Variants in PLA2G4A observed in about 807,000 individuals in gnomAD.
PLA2G4A encodes phospholipase A2 group IVA, also known as cytosolic phospholipase A2.
Under a neutral mutation model 81.9 loss-of-function variants are expected in PLA2G4A, and 40 were observed. The observed-to-expected ratio is 0.49, with a 90% CI of 0.38 to 0.64. The LOEUF is 0.64. PLA2G4A is among the 30% of genes least tolerant of loss of function. The pLI, the probability that PLA2G4A is intolerant of heterozygous loss-of-function variation, is 0.00. For missense variants in PLA2G4A, 715 were observed against 905.1 expected (o/e 0.79, Z 2.69); for synonymous variants, 302 against 296.9 (o/e 1.02, Z -0.18).
At chr1:186,880,640 T>C (rs1011037529) in intron 3 of PLA2G4A, among the ~76,000 whole-genome samples, 1 of 152,040 alleles carries the variant, frequency 6.6e-6, no homozygotes, top group African/African-American at 2.4e-5. Context: ...AAGAATAATT[T>C]TTCTTGCCTA....
chr1:186,980,361 G>T (rs1657682711), intron 17 of PLA2G4A, among the ~76,000 whole-genome samples: 2 of 152,098 alleles, frequency 1.3e-5, no homozygotes, highest in Admixed American at 1.3e-4. Flanking sequence ...GTGTCTAGGT[G>T]AAATTCTTTC....
At chr1:186,956,420 T>A (rs2307199) in intron 14 of PLA2G4A, 76 bp downstream of exon 14, 3 of 1,325,016 alleles carry the variant, frequency 2.3e-6, no homozygotes, top group East Asian at 2.3e-5. Flanking sequence ...GCATTTTAAT[T>A]ATTATTAACA....
chr1:186,861,711 C>G (rs1037477406), intron 2 of PLA2G4A, among the ~76,000 whole-genome samples: 16 of 152,078 alleles, frequency 1.1e-4, no homozygotes, highest in Admixed American at 6.6e-5. Context: ...CAACACTGCC[C>G]TATGTGAAAT....
At chr1:186,974,297 C>A (rs1190375379) in intron 15 of PLA2G4A, among the ~76,000 whole-genome samples, 3 of 152,064 alleles carry the variant, frequency 2.0e-5, no homozygotes, top group Non-Finnish European at 4.4e-5. Context: ...ATGAGGGCAT[C>A]CAGCCTGGCC....
At chr1:186,952,098 A>G (rs1571435974) in intron 13 of PLA2G4A, among the ~76,000 whole-genome samples, 2 of 152,224 alleles carry the variant, frequency 1.3e-5, no homozygotes, top group African/African-American at 4.8e-5. Flanking sequence ...CCTTTTAATG[A>G]AGGAAGCTAG....
At chr1:186,940,872 C>A (rs1385400437) in intron 10 of PLA2G4A, among the ~76,000 whole-genome samples, 2 of 152,050 alleles carry the variant, frequency 1.3e-5, no homozygotes, top group African/African-American at 4.8e-5. Flanking sequence ...AATTCAGCAC[C>A]TAAAAAGTTC....
At chr1:186,852,094 A>G (rs1470771625) in intron 1 of PLA2G4A, among the ~76,000 whole-genome samples, 2 of 151,930 alleles carry the variant, frequency 1.3e-5, no homozygotes, top group African/African-American at 4.8e-5. Flanking sequence ...TCATTCATTC[A>G]TTATTTAACA....
Position 186,965,532 on chromosome 1 carries a change from T to A in PLA2G4A, c.1703T>A (p.Val568Asp). Residue 568 changes from valine to aspartate, a missense_variant, in exon 15 of 18, where the codon GTT becomes GAT. Coordinates refer to ENST00000367466, the MANE Select transcript of PLA2G4A (RefSeq NM_024420.3). The stretch of plus-strand genomic sequence containing the variant: ...TTGATACTGAGACCTCAGAGAGGGG[T>A]TGATCTCATAATCTCCTTTGACTTT... Reference protein sequence around the residue: ...YPLILRPQRGVDLIISFDFSA... With the variant: ...YPLILRPQRGDDLIISFDFSA... 6.2e-7 allele frequency: 1 copy of A among 1,613,374 alleles called. No homozygotes were observed. The highest frequency in any genetic ancestry group is 8.5e-7 in the Non-Finnish European group (1 of 1,179,336).
At chr1:186,984,122 G>C (rs12121329) in intron 17 of PLA2G4A, among the ~76,000 whole-genome samples, 2 of 152,048 alleles carry the variant, frequency 1.3e-5, no homozygotes, top group Non-Finnish European at 2.9e-5. Context: ...TAAATATGCA[G>C]TACAATTTTC....
chr1:186,911,464 C>A, intron 7 of PLA2G4A, 75 bp downstream of exon 7: 1 of 1,085,192 alleles, frequency 9.2e-7, no homozygotes, highest in Non-Finnish European at 1.4e-6. Context: ...AATAATTTTA[C>A]CCAAATATGG....
At chr1:186,907,946 A>C (rs866805653) in intron 6 of PLA2G4A, among the ~76,000 whole-genome samples, 1 of 152,204 alleles carries the variant, frequency 6.6e-6, no homozygotes, top group African/African-American at 2.4e-5. Context: ...GATTAGAAAC[A>C]CTTGTTATTT....
At chr1:186,957,514 C>T (rs1656796629) in intron 14 of PLA2G4A, among the ~76,000 whole-genome samples, 2 of 152,202 alleles carry the variant, frequency 1.3e-5, no homozygotes. Flanking sequence ...GACTGTTTCT[C>T]TTTGGCAGAG....
chr1:186,852,055 A>T (rs1383216723), intron 1 of PLA2G4A, among the ~76,000 whole-genome samples: 1 of 151,984 alleles, frequency 6.6e-6, no homozygotes, highest in African/African-American at 2.4e-5. Context: ...CTTGAAAATT[A>T]TCCCTCTTAC....
chr1:186,965,954 G>A (rs997804418), intron 15 of PLA2G4A, among the ~76,000 whole-genome samples: 4 of 151,936 alleles, frequency 2.6e-5, no homozygotes, highest in African/African-American at 9.7e-5. Context: ...GTACTTTAAA[G>A]AATGCTAACA....
chr1:186,948,251 C>T (rs903300632), intron 12 of PLA2G4A, among the ~76,000 whole-genome samples: 10 of 152,128 alleles, frequency 6.6e-5, no homozygotes, highest in Non-Finnish European at 1.2e-4. Flanking sequence ...AACAAACACA[C>T]AAATAAGGCA....
intron 1 of PLA2G4A, among the ~76,000 whole-genome samples, chr1:186,842,380 C>T (rs1475681500): frequency 6.6e-6 from 1 of 152,044 alleles, no homozygotes. Flanking sequence ...ACTTCTCTGG[C>T]CGATTTTCTC....
intron 2 of PLA2G4A, 48 bp from the exon 3 acceptor site, chr1:186,870,387 G>C: frequency 9.2e-7 from 1 of 1,081,432 alleles, no homozygotes. Flanking sequence ...AAAAAATGAG[G>C]TTCTATGTTG....
intron 10 of PLA2G4A, among the ~76,000 whole-genome samples, chr1:186,942,748 A>T (rs112369886): frequency 6.6e-6 from 1 of 152,162 alleles, no homozygotes; most frequent in Non-Finnish European, 1.5e-5. Context: ...TAGACTGAAA[A>T]AATGCTGTTT....
chr1:186,919,854 T>C (rs902854652), intron 7 of PLA2G4A, among the ~76,000 whole-genome samples: 103 of 152,252 alleles, frequency 6.8e-4, no homozygotes, highest in African/African-American at 2.2e-3. Flanking sequence ...TACTGGCTGG[T>C]AGTCCTTGGT....
Sources: gnomAD v4.1 joint callset for allele counts (sites outside exome capture counted in the v4.1 genomes callset) on GRCh38, gnomAD v4.1.1 for gene constraint, MANE v1.5 for transcripts, NCBI Gene and HGNC (gene_info 2026-07-23, HGNC 2026-07-21) for gene names.